NEDD4L: variants seen among roughly 807,000 people sequenced by gnomAD.
NEDD4L encodes NEDD4 like E3 ubiquitin protein ligase.
In NEDD4L, 54 loss-of-function variants were observed where a neutral mutation model predicts 148.9. The ratio of observed to expected loss-of-function variants is 0.36; its 90% CI spans 0.29 to 0.45. The LOEUF is 0.45. Ranked by LOEUF, NEDD4L falls within the 20% of genes least tolerant of loss-of-function variation. The probability of loss-of-function intolerance (pLI) is 1.00; values close to 1 mark genes in which losing one functional copy is unlikely to be tolerated. For missense variants in NEDD4L, 856 were observed against 1,233.8 expected, an observed-to-expected ratio of 0.69 and a Z score of 4.59; for synonymous variants, 433 against 440.7, an observed-to-expected ratio of 0.98 and a Z score of 0.22.
At chr18:58,274,190 C>T (rs78555247) in intron 5 of NEDD4L, among the ~76,000 whole-genome samples, 2,051 of 152,276 alleles carry the variant, frequency 0.013, 37 homozygotes, top group African/African-American at 0.047. Flanking sequence ...TGCTCCAGCC[C>T]ATCACCATCC....
chr18:58,301,536 T>C (rs1357985359), intron 5 of NEDD4L, among the ~76,000 whole-genome samples: 1 of 152,228 alleles, frequency 6.6e-6, no homozygotes, highest in Non-Finnish European at 1.5e-5. Context: ...ATGCTAGTTT[T>C]GTGCATATCT....
intron 6 of NEDD4L, among the ~76,000 whole-genome samples, chr18:58,321,991 G>A (rs935085365): frequency 3.3e-5 from 5 of 152,186 alleles, no homozygotes; most frequent in African/African-American, 1.2e-4. Flanking sequence ...GGCTGATGTT[G>A]TGAGATTTTA....
intron 5 of NEDD4L, among the ~76,000 whole-genome samples, chr18:58,296,014 A>G (rs796472440): frequency 1.6e-4 from 25 of 152,278 alleles, no homozygotes; most frequent in African/African-American, 6.0e-4. Context: ...GCACACACCA[A>G]AAGGCTTTGG....
intron 10 of NEDD4L, 151 bp downstream of exon 10, chr18:58,329,278 T>A: frequency 2.1e-6 from 1 of 483,106 alleles, no homozygotes; most frequent in African/African-American, 2.1e-5. Context: ...ATCTGAATAT[T>A]AATTTGAAAG....
chr18:58,105,091 A>T (rs185909259), intron 1 of NEDD4L, among the ~76,000 whole-genome samples: 1 of 152,302 alleles, frequency 6.6e-6, no homozygotes. Context: ...CCTGTAACTT[A>T]TAAGGTATGG....
At chr18:58,051,983 C>T (rs1243091304) in intron 1 of NEDD4L, among the ~76,000 whole-genome samples, 2 of 152,058 alleles carry the variant, frequency 1.3e-5, no homozygotes, top group African/African-American at 4.8e-5. Flanking sequence ...AATGTTTGTG[C>T]TGTTCACTGT....
rs565149338 is a variant in NEDD4L, at chr18:58,243,020, C to T, written c.123-2407C>T. 1.4e-4 allele frequency among the ~76,000 whole-genome samples: 22 copies of T among 152,350 alleles called. No homozygotes were observed. The South Asian group carries it at 4.6e-3, about 32-fold the overall frequency. Reference sequence around the variant, plus strand: ...TACTGCTGGAAGATATGGTGTCCCACACCTAAGTATCCCACCCACAGTCCC... The same window carrying T: ...TACTGCTGGAAGATATGGTGTCCCATACCTAAGTATCCCACCCACAGTCCC... On this transcript the variant is annotated intron_variant, in intron 2 of 30. Coordinates refer to ENST00000400345, the MANE Select transcript of NEDD4L (RefSeq NM_001144967.3).
At position 58,295,476 on chromosome 18, in the gene NEDD4L, T is replaced by C. The variant is rs555118949; in HGVS notation, c.298-20506T>C. The stretch of plus-strand genomic sequence containing the variant: ...ATTTCTTTTTAGTGCTGGGATAATA[T>C]TCCACTGTCTGGAAATGCCACCGCT... On this transcript the variant is annotated intron_variant, in intron 5 of 30. Transcript: ENST00000400345. Among the ~76,000 whole-genome samples, 5 of 152,342 alleles carry C rather than the reference T, an allele frequency of 3.3e-5. No homozygotes were observed. In the South Asian group the frequency reaches 8.3e-4, roughly 25 times the overall value.
intron 1 of NEDD4L, among the ~76,000 whole-genome samples, chr18:58,058,459 C>T (rs1454859589): frequency 6.6e-6 from 1 of 152,226 alleles, no homozygotes; most frequent in Admixed American, 6.5e-5. Context: ...ATGCCTTACT[C>T]GTGAACCAGT....
intron 2 of NEDD4L, among the ~76,000 whole-genome samples, chr18:58,235,237 T>C (rs2045865106): frequency 6.6e-6 from 1 of 152,144 alleles, no homozygotes; most frequent in Admixed American, 6.5e-5. Flanking sequence ...GTCCGGTACA[T>C]TGACCCTGTG....
intron 5 of NEDD4L, among the ~76,000 whole-genome samples, chr18:58,289,675 A>T (rs534647001): frequency 5.3e-5 from 8 of 152,274 alleles, no homozygotes; most frequent in South Asian, 2.1e-4. Flanking sequence ...TAATTAGGGG[A>T]AGGAAGCCTC....
At chr18:58,257,556 C>T (rs1300136) in intron 5 of NEDD4L, among the ~76,000 whole-genome samples, 2 of 152,196 alleles carry the variant, frequency 1.3e-5, no homozygotes, top group South Asian at 2.1e-4. Context: ...GTGTCCAAGC[C>T]GAGGATGCTG....
intron 5 of NEDD4L, among the ~76,000 whole-genome samples, chr18:58,274,364 A>G (rs2051540690): frequency 6.6e-6 from 1 of 152,220 alleles, no homozygotes. Flanking sequence ...GGAGGTTCGA[A>G]CTTTGCCTCC....
chr18:58,103,809 C>T (rs1377243601), intron 1 of NEDD4L, among the ~76,000 whole-genome samples: 1 of 152,216 alleles, frequency 6.6e-6, no homozygotes, highest in African/African-American at 2.4e-5. Context: ...ACTGCCTGCG[C>T]AGCCCGAGGA....
chr18:58,188,700 C>T (rs1354620197), intron 2 of NEDD4L, among the ~76,000 whole-genome samples: 1 of 152,264 alleles, frequency 6.6e-6, no homozygotes, highest in East Asian at 1.9e-4. Context: ...CACTAACCTA[C>T]CTGCCTCCAA....
intron 5 of NEDD4L, among the ~76,000 whole-genome samples, chr18:58,299,053 C>G (rs2053267331): frequency 6.6e-6 from 1 of 152,164 alleles, no homozygotes; most frequent in African/African-American, 2.4e-5. Context: ...CATACACATG[C>G]GATAAGGCTG....
Position 58,342,888 on chromosome 18 carries a change from C to G in NEDD4L, c.1378-18C>G, listed in dbSNP as rs1394768903. Reference sequence around the variant, plus strand: ...TCGCACATGCTAAAGAGTTCTAATCCTCATTGTTATTCTTTAGGGTGCCAA... The same window carrying G: ...TCGCACATGCTAAAGAGTTCTAATCGTCATTGTTATTCTTTAGGGTGCCAA... On this transcript the variant is annotated intron_variant, in intron 15 of 30. Coordinates refer to ENST00000400345, the MANE Select transcript of NEDD4L (RefSeq NM_001144967.3). 1 of 1,581,870 alleles carries G rather than the reference C, an allele frequency of 6.3e-7. No individual in the cohort carries two copies. Among genetic ancestry groups the G allele is most frequent in the Non-Finnish European group, 8.6e-7 (1 of 1,162,688 alleles).
chr18:58,128,437 T>C (rs987741361), intron 1 of NEDD4L, among the ~76,000 whole-genome samples: 5 of 152,226 alleles, frequency 3.3e-5, no homozygotes, highest in African/African-American at 1.2e-4. Context: ...TGGGAATTGG[T>C]ATGTCCAGCT....
intron 2 of NEDD4L, among the ~76,000 whole-genome samples, chr18:58,179,047 C>T (rs2038512001): frequency 6.6e-6 from 1 of 152,204 alleles, no homozygotes; most frequent in Non-Finnish European, 1.5e-5. Flanking sequence ...CTCTCTGACA[C>T]TGACTTGAAT....
Sources: allele counts gnomAD v4.1 joint callset (sites outside exome capture counted in the v4.1 genomes callset), GRCh38; gene constraint gnomAD v4.1.1; transcripts MANE v1.5; gene names NCBI Gene and HGNC (gene_info 2026-07-23, HGNC 2026-07-21).